CBFA2T3: variants seen among roughly 807,000 people sequenced by gnomAD.
CBFA2T3 encodes transcriptional corepressor CBFA2T3.
A neutral mutation model predicts 58.6 loss-of-function variants in CBFA2T3; 31 were observed. The observed-to-expected ratio is 0.53, with a 90% CI of 0.40 to 0.71. The LOEUF (loss-of-function observed/expected upper bound fraction) is 0.71. CBFA2T3 is among the 30% of genes least tolerant of loss of function. The probability of loss-of-function intolerance (pLI) is 0.00; values close to 1 mark genes in which losing one functional copy is unlikely to be tolerated. For missense variants in CBFA2T3, 1,076 were observed against 963.1 expected, an observed-to-expected ratio of 1.12 and a Z score of -1.55; for synonymous variants, 531 against 421.9, an observed-to-expected ratio of 1.26 and a Z score of -3.17.
Position 88,964,638 on chromosome 16 carries a change from T to C in CBFA2T3, c.151+12019A>G, listed in dbSNP as rs1040774978. ...ACACCTTTCACACATGCTTACTGTA[T>C]GTGTGTATAAGAACTATGTTTTTAA... On this transcript the variant is annotated intron_variant, in intron 1 of 11. Coordinates refer to ENST00000268679, the MANE Select transcript of CBFA2T3 (RefSeq NM_005187.6). 9.2e-5 allele frequency among the ~76,000 whole-genome samples: 14 copies of C among 152,226 alleles called. No homozygotes were observed. In the East Asian group the frequency reaches 2.7e-3, roughly 29 times the overall value.
chr16:88,969,532 A>C (rs994295022), intron 1 of CBFA2T3, among the ~76,000 whole-genome samples: 2 of 152,188 alleles, frequency 1.3e-5, no homozygotes, highest in African/African-American at 2.4e-5. Flanking sequence ...CCGTTTTACA[A>C]ACAGGAGACA....
intron 1 of CBFA2T3, among the ~76,000 whole-genome samples, chr16:88,969,163 A>G (rs955949355): frequency 4.0e-4 from 61 of 152,272 alleles, no homozygotes; most frequent in African/African-American, 1.4e-3. Flanking sequence ...GGTCACCGCC[A>G]TCTGGAGTGA....
At chr16:88,925,906 T>C (rs2142750998) in intron 1 of CBFA2T3, among the ~76,000 whole-genome samples, 1 of 152,246 alleles carries the variant, frequency 6.6e-6, no homozygotes, top group South Asian at 2.1e-4. Flanking sequence ...TGTGAACGTT[T>C]TTACGATGAT....
intron 1 of CBFA2T3, among the ~76,000 whole-genome samples, chr16:88,949,936 G>T (rs956933063): frequency 1.3e-5 from 2 of 152,096 alleles, no homozygotes; most frequent in Non-Finnish European, 2.9e-5. Context: ...CTTGAACCCG[G>T]GAGGCAGAGT....
At chr16:88,952,657 A>G (rs960087996) in intron 1 of CBFA2T3, among the ~76,000 whole-genome samples, 3 of 152,080 alleles carry the variant, frequency 2.0e-5, no homozygotes, top group Non-Finnish European at 4.4e-5. Context: ...CATTCTGCCC[A>G]CAAACTCCTC....
At chr16:88,924,298 G>A (rs1003624237) in intron 1 of CBFA2T3, among the ~76,000 whole-genome samples, 17 of 152,342 alleles carry the variant, frequency 1.1e-4, no homozygotes, top group African/African-American at 3.8e-4. Context: ...GGGGCACACT[G>A]CGTGCCTTCA....
chr16:88,962,669 C>T (rs933785344), intron 1 of CBFA2T3, among the ~76,000 whole-genome samples: 6 of 152,212 alleles, frequency 3.9e-5, no homozygotes, highest in Non-Finnish European at 5.9e-5. Context: ...GCCACGTAGC[C>T]GGAGCCAGTG....
At chr16:88,909,578 C>T (rs796307910) in intron 1 of CBFA2T3, among the ~76,000 whole-genome samples, 6 of 152,296 alleles carry the variant, frequency 3.9e-5, no homozygotes, top group African/African-American at 1.4e-4. Flanking sequence ...GTGACCATCA[C>T]GGCGGCTGGG....
Position 88,885,844 on chromosome 16 carries a change from A to G in CBFA2T3, c.893+117T>C. 1.1e-6 allele frequency: 1 copy of G among 912,010 alleles called. No individual in the cohort carries two copies. The highest frequency in any genetic ancestry group is 1.6e-6 in the Non-Finnish European group (1 of 607,588). 56.5% of individuals were successfully genotyped at this position (912,010 alleles called of 1,614,324 possible). On this transcript the variant is annotated intron_variant, in intron 6 of 11. Coordinates refer to ENST00000268679, the MANE Select transcript of CBFA2T3 (RefSeq NM_005187.6). The surrounding 1 kb of genome is among the most constrained non-coding windows in gnomAD (Gnocchi z 5.3). ...CCTCGCCACGCTCCCTCAGCCCGAG[A>G]GAGCCGGCCGGGCTGGCTGCAGCCC...
chr16:88,881,595 A>G, intron 8 of CBFA2T3, 106 bp from the exon 9 acceptor site: 2 of 1,160,700 alleles, frequency 1.7e-6, no homozygotes, highest in Non-Finnish European at 2.4e-6. Flanking sequence ...GTGCCCGACC[A>G]GCCCACCGCC....
chr16:88,966,627 T>C (rs1452230365), intron 1 of CBFA2T3, among the ~76,000 whole-genome samples: 1 of 151,954 alleles, frequency 6.6e-6, no homozygotes, highest in African/African-American at 2.4e-5. Flanking sequence ...GGCCCTGGTT[T>C]CCACAAACAA....
intron 5 of CBFA2T3, among the ~76,000 whole-genome samples, chr16:88,889,784 G>A (rs1430591404): frequency 3.1e-5 from 4 of 127,494 alleles, no homozygotes; most frequent in East Asian, 5.0e-4. Context: ...CAGGGACGAC[G>A]CCACGCGATT....
At chr16:88,904,281 C>T (rs1970217891) in intron 1 of CBFA2T3, among the ~76,000 whole-genome samples, 2 of 152,210 alleles carry the variant, frequency 1.3e-5, no homozygotes, top group Admixed American at 1.3e-4. Flanking sequence ...GAAGATCCTT[C>T]TCGGTGCTCT....
chr16:88,959,705 A>C (rs1389884245), intron 1 of CBFA2T3, among the ~76,000 whole-genome samples: 5 of 152,194 alleles, frequency 3.3e-5, no homozygotes, highest in African/African-American at 1.2e-4. Flanking sequence ...GGAGCAGGGC[A>C]GAGACGGTAT....
chr16:88,905,214 T>C (rs986397328), intron 1 of CBFA2T3, among the ~76,000 whole-genome samples: 4 of 151,992 alleles, frequency 2.6e-5, no homozygotes, highest in Non-Finnish European at 2.9e-5. Flanking sequence ...ACATCGTCTC[T>C]CTCCTGCTTA....
intron 1 of CBFA2T3, among the ~76,000 whole-genome samples, chr16:88,968,456 G>A (rs929378268): frequency 1.3e-5 from 2 of 152,242 alleles, no homozygotes; most frequent in African/African-American, 4.8e-5. Context: ...ACAGAGCCAG[G>A]CCCAGCCTCA....
chr16:88,939,290 A>T (rs1370200409), intron 1 of CBFA2T3: 1 of 152,236 alleles, frequency 6.6e-6, no homozygotes, highest in Non-Finnish European at 1.5e-5. Flanking sequence ...CCCTGGCTTC[A>T]CAGGTGGTGA....
At chr16:88,926,828 C>A (rs1971099575) in intron 1 of CBFA2T3, among the ~76,000 whole-genome samples, 1 of 152,244 alleles carries the variant, frequency 6.6e-6, no homozygotes, top group African/African-American at 2.4e-5. Flanking sequence ...CAGGAGCTCA[C>A]AAGGCCTTCC....
intron 5 of CBFA2T3, among the ~76,000 whole-genome samples, chr16:88,890,228 G>C (rs1469599721): frequency 1.3e-5 from 2 of 152,188 alleles, no homozygotes; most frequent in East Asian, 3.8e-4. Flanking sequence ...TTCTTTCCGC[G>C]TGTCCCTCCA....
Sources: gnomAD v4.1 joint callset for allele counts (sites outside exome capture counted in the v4.1 genomes callset) on GRCh38, gnomAD v4.1.1 for gene constraint, Gnocchi (gnomAD v3.1) non-coding constraint, MANE v1.5 for transcripts, NCBI Gene and HGNC (gene_info 2026-07-23, HGNC 2026-07-21) for gene names.